Variants in CADPS2 observed in about 807,000 individuals in gnomAD.
The protein encoded by CADPS2 is calcium dependent secretion activator 2, also known as calcium-dependent secretion activator 2.
A neutral mutation model predicts 172.5 loss-of-function variants in CADPS2; 93 were observed. The ratio of observed to expected loss-of-function variants is 0.54; its 90% CI spans 0.46 to 0.64. The LOEUF (loss-of-function observed/expected upper bound fraction) is 0.64, where lower values mean the gene tolerates loss of function less well. Among genes scored for constraint, CADPS2 ranks in the 30% least tolerant of loss-of-function variants. The pLI, the probability that CADPS2 is intolerant of heterozygous loss-of-function variation, is 0.00. For synonymous variants in CADPS2, 546 were observed against 555.2 expected (o/e 0.98, Z 0.23); for missense variants, 1,420 against 1,565.9 (o/e 0.91, Z 1.57).
intron 6 of CADPS2, among the ~76,000 whole-genome samples, chr7:122,600,591 C>G (rs2072610924): frequency 6.6e-6 from 1 of 152,008 alleles, no homozygotes; most frequent in Non-Finnish European, 1.5e-5. Flanking sequence ...AATCAAGACC[C>G]CTGCTCTAAG....
intron 8 of CADPS2, among the ~76,000 whole-genome samples, chr7:122,548,513 G>C (rs2063859036): frequency 6.6e-6 from 1 of 152,076 alleles, no homozygotes; most frequent in African/African-American, 2.4e-5. Flanking sequence ...CATAAAACTT[G>C]ACAAATTTTA....
intron 28 of CADPS2, among the ~76,000 whole-genome samples, chr7:122,326,795 C>A (rs1438947457): frequency 6.6e-6 from 1 of 151,956 alleles, no homozygotes; most frequent in Non-Finnish European, 1.5e-5. Context: ...TGATCCAATA[C>A]AATTTAGTTT....
intron 5 of CADPS2, among the ~76,000 whole-genome samples, chr7:122,619,930 G>T (rs201508512): frequency 4.2e-3 from 638 of 152,292 alleles, no homozygotes; most frequent in Non-Finnish European, 7.3e-3. Flanking sequence ...AAGACTCATA[G>T]TTCTAATCTG....
rs188849475 is a variant in CADPS2, at chr7:122,484,980, C to T, written c.1853-4120G>A. On this transcript the variant is annotated intron_variant, in intron 11 of 29. Transcript: ENST00000449022. ...TTTTTCATTATTAGTAGATCTATCA[C>T]GGTCATCTGTGGAAAGTGATCTTTG... 5.9e-5 allele frequency among the ~76,000 whole-genome samples: 9 copies of T among 152,174 alleles called. No individual in the cohort carries two copies. The East Asian group carries it at 1.4e-3, about 23-fold the overall frequency.
At chr7:122,859,678 C>T (rs1408679861) in intron 1 of CADPS2, among the ~76,000 whole-genome samples, 1 of 152,126 alleles carries the variant, frequency 6.6e-6, no homozygotes, top group African/African-American at 2.4e-5. Flanking sequence ...ATACCAAAAT[C>T]CATGGATGCT....
chr7:122,582,573 C>G (rs1563770067), intron 6 of CADPS2, among the ~76,000 whole-genome samples: 2 of 151,746 alleles, frequency 1.3e-5, no homozygotes, highest in Non-Finnish European at 2.9e-5. Context: ...TTACATAAAG[C>G]AATGGTAAAA....
chr7:122,645,894 A>G (rs1030196741), intron 3 of CADPS2, among the ~76,000 whole-genome samples: 15 of 151,118 alleles, frequency 9.9e-5, no homozygotes, highest in Non-Finnish European at 1.9e-4. Flanking sequence ...TTCATTTGGT[A>G]TTAACATTTC....
intron 2 of CADPS2, among the ~76,000 whole-genome samples, chr7:122,729,993 C>A (rs553304004): frequency 6.6e-6 from 1 of 151,506 alleles, no homozygotes; most frequent in Admixed American, 6.6e-5. Flanking sequence ...GTGAATGTGT[C>A]TTTCATCCTA....
At chr7:122,400,472 T>A (rs1485132270) in intron 20 of CADPS2, among the ~76,000 whole-genome samples, 2 of 150,200 alleles carry the variant, frequency 1.3e-5, no homozygotes, top group Non-Finnish European at 3.0e-5. Flanking sequence ...AAAACAAAAC[T>A]AAACAAAAAA....
chr7:122,633,514 T>C (rs1387085724), intron 3 of CADPS2, among the ~76,000 whole-genome samples: 1 of 152,170 alleles, frequency 6.6e-6, no homozygotes, highest in Non-Finnish European at 1.5e-5. Context: ...TACTGATGTA[T>C]AGAAGTTCTA....
chr7:122,684,185 ACTTATATCCATCAGCCTGTGGT>A (rs2083377162), intron 2 of CADPS2, among the ~76,000 whole-genome samples: 1 of 152,126 alleles, frequency 6.6e-6, no homozygotes, highest in South Asian at 2.1e-4. Context: ...CTTGACTCTT[ACTTATATCCATCAGCCTGTGGT>A]TAAATTGATA....
At chr7:122,654,465 C>T (rs2079519284) in intron 3 of CADPS2, among the ~76,000 whole-genome samples, 1 of 152,166 alleles carries the variant, frequency 6.6e-6, no homozygotes, top group Non-Finnish European at 1.5e-5. Flanking sequence ...CTAATGCTCA[C>T]TTACTATTCT....
rs201294686 is a variant in CADPS2 at position 122,393,555 on chromosome 7, T to C, written c.2774A>G (p.Lys925Arg). The change falls in exon 21 of 30, where the codon AAA (lysine) becomes AGA (arginine). Residue 925 changes from lysine to arginine, a missense_variant. Coordinates refer to ENST00000449022, the MANE Select transcript of CADPS2 (RefSeq NM_017954.11). ...DTLLCNGKFH[K>R]HLQEIFVPLV... ...GGGTACAAAGATTTCTTGCAAGTGT[T>C]TGTGAAATTTTCCATTACACAAAAG... 7.1e-5 allele frequency: 114 copies of C among 1,613,812 alleles called. No individual in the cohort carries two copies. The Middle Eastern group carries it at 1.8e-3, about 26-fold the overall frequency.
At position 122,584,136 on chromosome 7, in the gene CADPS2, G is replaced by A. The variant is rs73717700; in HGVS notation, c.1224-2846C>T. 7.7e-3 allele frequency among the ~76,000 whole-genome samples: 1,172 copies of A among 151,744 alleles called. 15 individuals are homozygous for A. The highest frequency in any genetic ancestry group is 0.027 in the African/African-American group (1,132 of 41,482). ...CTCCATGTTTGGTTTTATTGCATAA[G>A]TTGAAAAGTGCTATATTTTTATTAT... On this transcript the variant is annotated intron_variant, in intron 6 of 29. Coordinates refer to ENST00000449022, the MANE Select transcript of CADPS2 (RefSeq NM_017954.11).
At chr7:122,602,038 A>G (rs918668987) in intron 6 of CADPS2, among the ~76,000 whole-genome samples, 5 of 152,026 alleles carry the variant, frequency 3.3e-5, no homozygotes, top group African/African-American at 1.2e-4. Flanking sequence ...AAAAATCACC[A>G]TCATGGATAT....
intron 8 of CADPS2, among the ~76,000 whole-genome samples, chr7:122,527,617 A>AGTGTGTGT (rs59653845): frequency 3.6e-3 from 304 of 83,784 alleles, no homozygotes; most frequent in Middle Eastern, 7.5e-3. Flanking sequence ...AGAGAGAGAG[A>AGTGTGTGT]GTGTGTGTGT....
chr7:122,359,943 A>C (rs999632961), intron 27 of CADPS2, among the ~76,000 whole-genome samples: 1 of 152,170 alleles, frequency 6.6e-6, no homozygotes, highest in Non-Finnish European at 1.5e-5. Flanking sequence ...TGATACATAA[A>C]GCTTGCCAGC....
At chr7:122,755,544 C>T (rs544093201) in intron 1 of CADPS2, among the ~76,000 whole-genome samples, 4 of 151,984 alleles carry the variant, frequency 2.6e-5, no homozygotes, top group East Asian at 1.9e-4. Context: ...ATGACAGAGA[C>T]GACACTAATT....
intron 8 of CADPS2, among the ~76,000 whole-genome samples, chr7:122,516,292 T>G (rs2060370343): frequency 6.6e-6 from 1 of 152,084 alleles, no homozygotes; most frequent in Non-Finnish European, 1.5e-5. Context: ...CCCAGAACTG[T>G]GGGAAGTCAA....
Sources: gnomAD v4.1 joint callset for allele counts (sites outside exome capture counted in the v4.1 genomes callset) on GRCh38, gnomAD v4.1.1 for gene constraint, MANE v1.5 for transcripts, NCBI Gene and HGNC (gene_info 2026-07-23, HGNC 2026-07-21) for gene names.